FRMD4B: variants seen among roughly 807,000 people sequenced by gnomAD.
The protein encoded by FRMD4B is FERM domain-containing protein 4B.
In FRMD4B, 74 loss-of-function variants were observed where a neutral mutation model predicts 141.5. The observed-to-expected ratio is 0.52, with a 90% CI of 0.43 to 0.63. The LOEUF is 0.63. Ranked by LOEUF, FRMD4B falls within the 30% of genes least tolerant of loss-of-function variation. The probability of loss-of-function intolerance (pLI) is 0.00; values close to 1 mark genes in which losing one functional copy is unlikely to be tolerated. For synonymous variants in FRMD4B, 506 were observed against 467.9 expected (o/e 1.08, Z -1.05); for missense variants, 1,366 against 1,253.4 (o/e 1.09, Z -1.36).
intron 12 of FRMD4B, 32 bp from the exon 13 acceptor site, chr3:69,197,070 C>A: frequency 6.3e-7 from 1 of 1,590,610 alleles, no homozygotes; most frequent in South Asian, 1.1e-5. Flanking sequence ...TCAAATAATT[C>A]CCCTCTGGCC....
At chr3:69,214,588 G>C (rs2093120100) in intron 11 of FRMD4B, among the ~76,000 whole-genome samples, 1 of 152,218 alleles carries the variant, frequency 6.6e-6, no homozygotes, top group African/African-American at 2.4e-5. Flanking sequence ...GCTGAGCACA[G>C]TGGCTCGTGC....
At chr3:69,239,690 T>C (rs932890018) in intron 7 of FRMD4B, among the ~76,000 whole-genome samples, 3 of 150,802 alleles carry the variant, frequency 2.0e-5, no homozygotes, top group Non-Finnish European at 3.0e-5. Context: ...GCGGGAGGAG[T>C]GAATAGGGAG....
At chr3:69,257,408 T>C (rs1039284084) in intron 5 of FRMD4B, among the ~76,000 whole-genome samples, 1 of 152,188 alleles carries the variant, frequency 6.6e-6, no homozygotes, top group Non-Finnish European at 1.5e-5. Context: ...ATATTGACTG[T>C]GCCCCTTCTG....
intron 1 of FRMD4B, among the ~76,000 whole-genome samples, chr3:69,320,189 T>G (rs1701950646): frequency 6.6e-6 from 1 of 152,184 alleles, no homozygotes; most frequent in South Asian, 2.1e-4. Context: ...AATACCATAT[T>G]ATTCAAATGA....
At chr3:69,519,355 C>A (rs1700816509) in intron 1 of FRMD4B, among the ~76,000 whole-genome samples, 1 of 152,040 alleles carries the variant, frequency 6.6e-6, no homozygotes, top group Admixed American at 6.5e-5. Flanking sequence ...TCTGGTATAT[C>A]TAAGGATCCA....
intron 7 of FRMD4B, among the ~76,000 whole-genome samples, chr3:69,225,789 C>T (rs1047958643): frequency 2.1e-5 from 3 of 144,138 alleles, no homozygotes; most frequent in Non-Finnish European, 4.5e-5. Context: ...ACTCTAACTA[C>T]TGAGTATTTA....
chr3:69,349,358 T>G (rs1400744004), intron 1 of FRMD4B, among the ~76,000 whole-genome samples: 1 of 152,176 alleles, frequency 6.6e-6, no homozygotes, highest in East Asian at 1.9e-4. Flanking sequence ...TCCATGCTCA[T>G]GGATAGGAAG....
In FRMD4B at chr3:69,276,240, C is replaced by A. The variant is rs912100503; in HGVS notation, c.501+11512G>T. ...AATAAAATCTTCCAAAGAATAGATC[C>A]CTACAGTTGGTAGAGTCCTGGATGA... is the stretch of plus-strand genomic sequence containing the variant. On this transcript the variant is annotated intron_variant, in intron 5 of 22. Transcript: ENST00000398540. 7.9e-5 allele frequency among the ~76,000 whole-genome samples: 12 copies of A among 152,198 alleles called. No homozygotes were observed. In the East Asian group the frequency reaches 2.3e-3, roughly 29 times the overall value.
intron 1 of FRMD4B, among the ~76,000 whole-genome samples, chr3:69,323,551 C>T (rs1381172816): frequency 1.4e-5 from 2 of 141,024 alleles, no homozygotes; most frequent in Non-Finnish European, 3.1e-5. Context: ...GGCGACACAG[C>T]GAGACTCTGT....
chr3:69,242,730 G>A (rs1214204523), intron 7 of FRMD4B, among the ~76,000 whole-genome samples: 1 of 149,414 alleles, frequency 6.7e-6, no homozygotes, highest in Non-Finnish European at 1.5e-5. Flanking sequence ...TTGCTCACCT[G>A]TAATCTGTAA....
chr3:69,385,445 G>A (rs1275965022), intron 1 of FRMD4B, among the ~76,000 whole-genome samples: 3 of 152,206 alleles, frequency 2.0e-5, no homozygotes, highest in Admixed American at 6.5e-5. Flanking sequence ...GTGTGAAACC[G>A]TTGCTTCAGA....
intron 1 of FRMD4B, among the ~76,000 whole-genome samples, chr3:69,511,911 A>G (rs186936983): frequency 6.6e-6 from 1 of 152,274 alleles, no homozygotes; most frequent in East Asian, 1.9e-4. Context: ...AGAAGAGAGG[A>G]GTACAACCTA....
At position 69,187,849 on chromosome 3, in the gene FRMD4B, G is replaced by A. The variant is rs1203199397; in HGVS notation, c.1840C>T (p.Pro614Ser). 2 of 1,611,210 alleles carry A rather than the reference G, an allele frequency of 1.2e-6. No homozygotes were observed. The highest frequency in any genetic ancestry group is 8.5e-7 in the Non-Finnish European group (1 of 1,178,040). ...SVPHSPRILP[P>S]KSLGIERIHF... is the part of the protein sequence containing the mutation. ...ATTCGCTCAATACCAAGAGACTTGG[G>A]GGGAAGAATTCTTGGAGAATGAGGT... The change falls in exon 19 of 23, where the codon CCC (proline) becomes TCC (serine). Residue 614 changes from proline to serine, a missense_variant. Pro to Ser is a moderately conservative substitution (Grantham distance 74). Transcript: ENST00000398540.
At chr3:69,483,747 C>G (rs1706168768) in intron 1 of FRMD4B, among the ~76,000 whole-genome samples, 2 of 152,084 alleles carry the variant, frequency 1.3e-5, no homozygotes, top group South Asian at 4.2e-4. Context: ...AACTGTGGAC[C>G]CTTATAGTTA....
At position 69,171,690 on chromosome 3, in the gene FRMD4B, TGTGGGGCTTG is replaced by T; in HGVS notation, c.*161_*170del. ...AGGCCAAATCCTCCTTTAGGGGCTTTGTGGGGCTTGGTGTGTGATTCACTGATTCACTTCC... is the reference window on the plus strand; with the variant it reads ...AGGCCAAATCCTCCTTTAGGGGCTTTGTGTGTGATTCACTGATTCACTTCC... On this transcript the variant is annotated 3_prime_UTR_variant, in exon 23 of 23. Coordinates refer to ENST00000398540, the MANE Select transcript of FRMD4B (RefSeq NM_015123.3). The T allele has an allele frequency of 1.6e-6, 1 of 641,486 alleles. No individual in the cohort carries two copies. The highest frequency in any genetic ancestry group is 1.9e-5 in the South Asian group (1 of 52,380). 39.7% of individuals were successfully genotyped at this position (641,486 alleles called of 1,614,324 possible). A position where few individuals can be genotyped will look rare whatever the true frequency, so the allele number is the denominator to read the frequency against.
intron 1 of FRMD4B, among the ~76,000 whole-genome samples, chr3:69,537,881 C>G (rs184505984): frequency 6.8e-4 from 104 of 152,306 alleles, no homozygotes; most frequent in Non-Finnish European, 1.3e-3. Flanking sequence ...TAATTTCCCC[C>G]TTTTCCTGCA....
chr3:69,337,215 C>G (rs1702586182), intron 1 of FRMD4B, among the ~76,000 whole-genome samples: 1 of 152,110 alleles, frequency 6.6e-6, no homozygotes, highest in Non-Finnish European at 1.5e-5. Context: ...AAAGGATTCC[C>G]TATTTAATAA....
rs752101046 is a variant in FRMD4B at position 69,193,832 on chromosome 3, T to C, written c.1530A>G (p.Gln510=). 7 of 1,613,588 alleles carry C rather than the reference T, an allele frequency of 4.3e-6. No homozygotes were observed. The South Asian group carries it at 6.6e-5, about 15-fold the overall frequency. The change falls in exon 17 of 23, where the codon CAA becomes CAG. Residue 510 remains glutamine (Q), a synonymous_variant. Coordinates refer to ENST00000398540, the MANE Select transcript of FRMD4B (RefSeq NM_015123.3). Reference sequence around the variant, plus strand: ...TCTTTGCAGCTTCCACCAGCTTTTGTTGTATTAGAAAATTACTCTCCAGTT... The same window carrying C: ...TCTTTGCAGCTTCCACCAGCTTTTGCTGTATTAGAAAATTACTCTCCAGTT... The part of the protein sequence containing the change: ...LQELESNFLI[Q]QKLVEAAKKL...
rs184099081 is a variant in FRMD4B, at chr3:69,475,427, A to G, written c.-128-42666T>C. Among the ~76,000 whole-genome samples, 474 of 151,296 alleles carry G rather than the reference A, an allele frequency of 3.1e-3. 7 individuals are homozygous for G. The highest frequency in any genetic ancestry group is 1.0e-2 in the African/African-American group (410 of 41,166). ...GGTGTCCATGTGTTCTCACTGTTCA[A>G]TTCCCACCTATGAGTGAGAATATGT... is the stretch of plus-strand genomic sequence containing the variant. On this transcript the variant is annotated intron_variant, in intron 1 of 5. Coordinates refer to the FRMD4B transcript ENST00000459638.
Sources: gnomAD v4.1 joint callset for allele counts (sites outside exome capture counted in the v4.1 genomes callset) on GRCh38, gnomAD v4.1.1 for gene constraint, MANE v1.5 for transcripts, NCBI Gene and HGNC (gene_info 2026-07-23, HGNC 2026-07-21) for gene names.